ADARB2: variants seen among roughly 807,000 people sequenced by gnomAD.
ADARB2 encodes adenosine deaminase RNA specific B2 (inactive), also known as inactive double-stranded RNA-specific editase B2.
Under a neutral mutation model 62.2 loss-of-function variants are expected in ADARB2, and 25 were observed. The observed-to-expected ratio is 0.40, with a 90% CI of 0.29 to 0.56. The LOEUF (loss-of-function observed/expected upper bound fraction) is 0.56. ADARB2 is among the 20% of genes least tolerant of loss of function. The probability of loss-of-function intolerance (pLI) is 0.43; values close to 1 mark genes in which losing one functional copy is unlikely to be tolerated. For missense variants in ADARB2, 1,071 were observed against 1,077.4 expected, an observed-to-expected ratio of 0.99 and a Z score of 0.08; for synonymous variants, 572 against 500.8, an observed-to-expected ratio of 1.14 and a Z score of -1.90.
At chr10:1,678,130 G>A in intron 1 of ADARB2, 3 of 984,252 alleles carry the variant, frequency 3.0e-6, no homozygotes, top group Non-Finnish European at 3.6e-6. Context: ...GAATGGGTGA[G>A]TGCAGATGGC....
chr10:1,679,342 G>A (rs184092051), intron 1 of ADARB2, among the ~76,000 whole-genome samples: 4 of 152,118 alleles, frequency 2.6e-5, no homozygotes, highest in African/African-American at 9.6e-5. Context: ...TCCTGTGCCG[G>A]GCACCACAAT....
At position 1,363,165 on chromosome 10, in the gene ADARB2, C is replaced by G. The variant is rs928034099; in HGVS notation, c.940G>C (p.Gly314Arg). 2 of 1,538,788 alleles carry G rather than the reference C, an allele frequency of 1.3e-6. No individual in the cohort carries two copies. Among genetic ancestry groups the G allele is most frequent in the Admixed American group, 3.8e-5 (2 of 53,296 alleles). Reference protein sequence around the residue: ...RSFVMAVSVDGRTFEGSGRSK... With the variant: ...RSFVMAVSVDRRTFEGSGRSK... ...CGCCCCGAGCCCTCGAACGTCCTGC[C>G]GTCCACGCTCACGGCCATCACGAAG... Residue 314 changes from glycine (G) to arginine (R), a missense_variant, in exon 3 of 10, where the codon GGC becomes CGC. By Grantham distance (125) the Gly-to-Arg change is moderately radical. Coordinates refer to ENST00000381312, the MANE Select transcript of ADARB2 (RefSeq NM_018702.4).
intron 1 of ADARB2, among the ~76,000 whole-genome samples, chr10:1,717,182 T>TGTTTC (rs1835030530): frequency 6.9e-6 from 1 of 145,336 alleles, no homozygotes; most frequent in African/African-American, 2.7e-5. Context: ...TTTTTGCTTT[T>TGTTTC]TGTTTTTAAA....
chr10:1,419,260 A>C (rs1832833121), intron 1 of ADARB2, among the ~76,000 whole-genome samples: 1 of 152,092 alleles, frequency 6.6e-6, no homozygotes, highest in South Asian at 2.1e-4. Flanking sequence ...CGCCCGTCTA[A>C]TTTTTGTATT....
chr10:1,634,257 G>A (rs1833888036), intron 1 of ADARB2, among the ~76,000 whole-genome samples: 1 of 152,212 alleles, frequency 6.6e-6, no homozygotes, highest in Non-Finnish European at 1.5e-5. Context: ...GAGAACACTG[G>A]ACATGGGCAT....
rs1193165470 is a variant in ADARB2, at chr10:1,178,360, A to G, written c.*4833T>C. 7.0e-6 allele frequency: 1 copy of G among 143,614 alleles called. No individual in the cohort carries two copies. The highest frequency in any genetic ancestry group is 1.9e-4 in the East Asian group (1 of 5,202). The allele number at this position is 143,614 out of a possible 1,614,324, so 8.9% of individuals were successfully genotyped here. A position where few individuals can be genotyped will look rare whatever the true frequency, so the allele number is the denominator to read the frequency against. On this transcript the variant is annotated 3_prime_UTR_variant, in exon 10 of 10. Coordinates refer to ENST00000381312, the MANE Select transcript of ADARB2 (RefSeq NM_018702.4). ...TCTCAGGCTTCCCAGAAACAGCCTG[A>G]GAAGGAAGCTCCTCTGTCTCCACCG... is the stretch of plus-strand genomic sequence containing the variant.
intron 1 of ADARB2, among the ~76,000 whole-genome samples, chr10:1,511,046 G>C (rs1211686767): frequency 6.6e-6 from 1 of 152,138 alleles, no homozygotes; most frequent in Non-Finnish European, 1.5e-5. Flanking sequence ...GTAGAGATGG[G>C]GTTTTGCCAC....
intron 1 of ADARB2, among the ~76,000 whole-genome samples, chr10:1,639,188 T>C (rs1833949319): frequency 6.6e-6 from 1 of 152,236 alleles, no homozygotes; most frequent in South Asian, 2.1e-4. Flanking sequence ...GTCCTGGAAC[T>C]GAGCCAGGAG....
At chr10:1,606,867 C>T (rs534005966) in intron 1 of ADARB2, among the ~76,000 whole-genome samples, 74 of 152,234 alleles carry the variant, frequency 4.9e-4, no homozygotes, top group African/African-American at 1.7e-3. Flanking sequence ...GTTCACATTA[C>T]CCCAGTGAAA....
At chr10:1,615,315 C>T (rs1833617946) in intron 1 of ADARB2, among the ~76,000 whole-genome samples, 1 of 152,176 alleles carries the variant, frequency 6.6e-6, no homozygotes, top group South Asian at 2.1e-4. Flanking sequence ...AGCAGCCTTC[C>T]AGATTGAAGT....
intron 1 of ADARB2, among the ~76,000 whole-genome samples, chr10:1,662,292 A>G (rs564460296): frequency 6.6e-5 from 10 of 152,284 alleles, no homozygotes; most frequent in African/African-American, 2.4e-4. Context: ...AGCCTCCAGG[A>G]GCCCAGGCTG....
chr10:1,198,288 CTT>C (rs1184950770), intron 8 of ADARB2, among the ~76,000 whole-genome samples: 1 of 152,218 alleles, frequency 6.6e-6, no homozygotes, highest in African/African-American at 2.4e-5. Context: ...AATACATAAT[CTT>C]CATCTTCTAA....
chr10:1,461,515 T>TATA (rs57405588), intron 1 of ADARB2, among the ~76,000 whole-genome samples: 7,799 of 150,190 alleles, frequency 0.052, 628 homozygotes, highest in African/African-American at 0.18. Context: ...TGCATATATA[T>TATA]TTTTTTTTTT....
intron 1 of ADARB2, among the ~76,000 whole-genome samples, chr10:1,379,888 T>G (rs1159788816): frequency 6.6e-6 from 1 of 152,240 alleles, no homozygotes; most frequent in African/African-American, 2.4e-5. Flanking sequence ...GATGCCGCTC[T>G]TCACCAATAA....
At chr10:1,530,579 T>C (rs1832219531) in intron 1 of ADARB2, among the ~76,000 whole-genome samples, 1 of 152,218 alleles carries the variant, frequency 6.6e-6, no homozygotes, top group African/African-American at 2.4e-5. Context: ...TGGGCTTTTC[T>C]GTTCATCAGC....
At chr10:1,649,282 A>G (rs1834082126) in intron 1 of ADARB2, among the ~76,000 whole-genome samples, 1 of 152,254 alleles carries the variant, frequency 6.6e-6, no homozygotes, top group Non-Finnish European at 1.5e-5. Flanking sequence ...AAATCGTATC[A>G]TAAATTGGAA....
intron 1 of ADARB2, among the ~76,000 whole-genome samples, chr10:1,390,147 T>G (rs1182236468): frequency 6.6e-6 from 1 of 152,188 alleles, no homozygotes; most frequent in African/African-American, 2.4e-5. Flanking sequence ...ATATTAAAAT[T>G]TTACATTATG....
At chr10:1,296,380 A>T (rs969250977) in intron 3 of ADARB2, among the ~76,000 whole-genome samples, 1 of 152,324 alleles carries the variant, frequency 6.6e-6, no homozygotes, top group Non-Finnish European at 1.5e-5. Context: ...CTGGTCTCTC[A>T]CAGTAGAGAT....
intron 1 of ADARB2, among the ~76,000 whole-genome samples, chr10:1,529,559 C>T (rs560417748): frequency 1.8e-4 from 28 of 152,328 alleles, no homozygotes; most frequent in African/African-American, 6.3e-4. Flanking sequence ...CGTCACCTCT[C>T]CTGTGACCCC....
Sources: gnomAD v4.1 joint callset for allele counts (sites outside exome capture counted in the v4.1 genomes callset) on GRCh38, gnomAD v4.1.1 for gene constraint, MANE v1.5 for transcripts, NCBI Gene and HGNC (gene_info 2026-07-23, HGNC 2026-07-21) for gene names.